Variants in KATNIP observed in about 807,000 individuals in gnomAD.
KATNIP encodes katanin-interacting protein.
A neutral mutation model predicts 174.0 loss-of-function variants in KATNIP; 126 were observed. That is an observed-to-expected ratio of 0.72 (90% CI 0.63 to 0.84). The LOEUF (loss-of-function observed/expected upper bound fraction) is 0.84, where lower values mean the gene tolerates loss of function less well. KATNIP is among the 40% of genes least tolerant of loss of function. The pLI, the probability that KATNIP is intolerant of heterozygous loss-of-function variation, is 0.00. For synonymous variants in KATNIP, 810 were observed against 835.7 expected (o/e 0.97, Z 0.53); for missense variants, 1,958 against 2,109.7 (o/e 0.93, Z 1.41).
At chr16:27,619,526 C>T (rs2076136422) in intron 3 of KATNIP, among the ~76,000 whole-genome samples, 1 of 152,236 alleles carries the variant, frequency 6.6e-6, no homozygotes, top group South Asian at 2.1e-4. Context: ...AGGTGTCATC[C>T]TGCATGTGAC....
At chr16:27,681,174 A>G (rs1374619304) in intron 7 of KATNIP, 1 of 524,008 alleles carries the variant, frequency 1.9e-6, no homozygotes, top group African/African-American at 1.9e-5. Context: ...TGCATGTCCT[A>G]GAATCTTTTA....
At chr16:27,651,700 A>G (rs898879028) in intron 6 of KATNIP, among the ~76,000 whole-genome samples, 2 of 152,054 alleles carry the variant, frequency 1.3e-5, no homozygotes, top group East Asian at 1.9e-4. Flanking sequence ...AAAAGATGTG[A>G]ATTACTAGCT....
In KATNIP at chr16:27,749,613, C is replaced by G. The variant is rs368772505; in HGVS notation, c.2653C>G (p.Arg885Gly). 7 of 1,540,156 alleles carry G rather than the reference C, an allele frequency of 4.5e-6. No homozygotes were observed. In the African/African-American group the frequency reaches 9.7e-5, roughly 21 times the overall value. Reference protein sequence around the residue: ...EDTWSSRTPSRSRWRSEQEHT... With the variant: ...EDTWSSRTPSGSRWRSEQEHT... ...CACCTGGTCTTCCAGGACGCCGTCA[C>G]GGTCAAGGTGGCGCAGTGAGCAGGA... is the stretch of plus-strand genomic sequence containing the variant. The change falls in exon 16 of 28, where the codon CGG becomes GGG. Residue 885 changes from arginine to glycine, a missense_variant. Transcript: ENST00000261588.
chr16:27,776,071 G>A lies in KATNIP; in HGVS notation c.4450-857G>A, dbSNP rs535724763. On this transcript the variant is annotated intron_variant, in intron 24 of 27. Transcript: ENST00000261588. The surrounding 1 kb of genome is among the most constrained non-coding windows in gnomAD (Gnocchi z 4.7). ...CGGCGACTTCAGCTGTTGCTCTCGC[G>A]GCTGGACTCCAACATCTGTATCTGC... 6.6e-5 allele frequency among the ~76,000 whole-genome samples: 10 copies of A among 152,210 alleles called. No individual in the cohort carries two copies. The highest frequency in any genetic ancestry group is 5.9e-4 in the Admixed American group (9 of 15,280).
chr16:27,559,604 C>T (rs929660300), intron 1 of KATNIP, among the ~76,000 whole-genome samples: 1 of 151,374 alleles, frequency 6.6e-6, no homozygotes, highest in African/African-American at 2.4e-5. Flanking sequence ...TCACCTTAGC[C>T]CAGGAGGTTG....
chr16:27,764,439 C>G (rs2082061073), intron 19 of KATNIP, among the ~76,000 whole-genome samples: 1 of 152,216 alleles, frequency 6.6e-6, no homozygotes, highest in South Asian at 2.1e-4. Context: ...AAACGGTCAC[C>G]TTTCTTGCCT....
At chr16:27,554,468 A>T (rs1417709082) in intron 1 of KATNIP, among the ~76,000 whole-genome samples, 3 of 152,216 alleles carry the variant, frequency 2.0e-5, no homozygotes, top group South Asian at 2.1e-4. Flanking sequence ...GTCTCAAAAG[A>T]AAAAAAATTC....
At chr16:27,730,567 T>G (rs1237908456) in intron 14 of KATNIP, among the ~76,000 whole-genome samples, 1 of 152,174 alleles carries the variant, frequency 6.6e-6, no homozygotes, top group Non-Finnish European at 1.5e-5. Flanking sequence ...TCTTCTCTCC[T>G]CTCTGCCTTA....
chr16:27,744,656 G>A (rs988045848), intron 15 of KATNIP, among the ~76,000 whole-genome samples: 1 of 152,020 alleles, frequency 6.6e-6, no homozygotes, highest in Admixed American at 6.6e-5. Flanking sequence ...GCTGAGACGG[G>A]AAGATCACCT....
At chr16:27,629,165 CAAAAAAAA>C (rs1169255800) in intron 4 of KATNIP, among the ~76,000 whole-genome samples, 2 of 63,974 alleles carry the variant, frequency 3.1e-5, no homozygotes, top group Admixed American at 1.8e-4. Context: ...GAGACTCTGT[CAAAAAAAA>C]AAAAAAAAAA....
chr16:27,704,130 C>CA, intron 12 of KATNIP, 132 bp downstream of exon 12: 1 of 686,736 alleles, frequency 1.5e-6, no homozygotes, highest in Non-Finnish European at 2.6e-6. Flanking sequence ...CCGCCCCCCC[C>CA]CTCCCTGGCA....
intron 11 of KATNIP, 84 bp from the exon 12 acceptor site, chr16:27,703,812 C>T: frequency 9.8e-7 from 1 of 1,024,352 alleles, no homozygotes; most frequent in South Asian, 1.3e-5. Context: ...TTTCCTATCC[C>T]CGAGTGCAGC....
chr16:27,606,448 C>T (rs1166404395), intron 2 of KATNIP, among the ~76,000 whole-genome samples: 2 of 152,014 alleles, frequency 1.3e-5, no homozygotes, highest in Non-Finnish European at 2.9e-5. Flanking sequence ...CTGTACCACC[C>T]AGTACCCACT....
intron 3 of KATNIP, among the ~76,000 whole-genome samples, chr16:27,620,156 T>A (rs2142075105): frequency 6.6e-6 from 1 of 152,228 alleles, no homozygotes; most frequent in Non-Finnish European, 1.5e-5. Flanking sequence ...ACAAAGACAA[T>A]TAAAAGCTAT....
intron 3 of KATNIP, among the ~76,000 whole-genome samples, chr16:27,624,087 T>C (rs977859598): frequency 2.6e-5 from 4 of 152,182 alleles, no homozygotes; most frequent in Non-Finnish European, 5.9e-5. Context: ...AAGGTCCAGG[T>C]GAGGCCCCCA....
intron 2 of KATNIP, among the ~76,000 whole-genome samples, chr16:27,612,414 C>G (rs532776268): frequency 1.7e-4 from 26 of 152,226 alleles, no homozygotes; most frequent in African/African-American, 5.8e-4. Context: ...AGTCTAGGGC[C>G]TTGCTACCCA....
intron 2 of KATNIP, 31 bp from the exon 3 acceptor site, chr16:27,618,394 G>T: frequency 6.4e-7 from 1 of 1,553,050 alleles, no homozygotes; most frequent in South Asian, 1.1e-5. Context: ...CCTGCATTCC[G>T]ATATCACACT....
intron 13 of KATNIP, among the ~76,000 whole-genome samples, chr16:27,710,677 A>G (rs1405106453): frequency 6.6e-6 from 1 of 152,034 alleles, no homozygotes; most frequent in Non-Finnish European, 1.5e-5. Context: ...AATTTTGTAA[A>G]ATTTTTTATA....
At chr16:27,614,680 G>A (rs2075991137) in intron 2 of KATNIP, among the ~76,000 whole-genome samples, 1 of 151,940 alleles carries the variant, frequency 6.6e-6, no homozygotes, top group Non-Finnish European at 1.5e-5. Context: ...TTCATGATTG[G>A]CCAACTTAGC....
Sources: gnomAD v4.1 joint callset for allele counts (sites outside exome capture counted in the v4.1 genomes callset) on GRCh38, gnomAD v4.1.1 for gene constraint, Gnocchi (gnomAD v3.1) non-coding constraint, MANE v1.5 for transcripts, NCBI Gene and HGNC (gene_info 2026-07-23, HGNC 2026-07-21) for gene names.